The following PPIE variants were observed in gnomAD, a reference collection of about 807,000 sequenced individuals.
PPIE encodes peptidyl-prolyl cis-trans isomerase E.
Under a neutral mutation model 38.4 loss-of-function variants are expected in PPIE, and 20 were observed. The ratio of observed to expected loss-of-function variants is 0.52; its 90% CI spans 0.37 to 0.76. The LOEUF (loss-of-function observed/expected upper bound fraction) is 0.76. Among genes scored for constraint, PPIE ranks in the 30% least tolerant of loss-of-function variants. The pLI, the probability that PPIE is intolerant of heterozygous loss-of-function variation, is 0.00. For missense variants in PPIE, 322 were observed against 385.8 expected (o/e 0.83, Z 1.39); for synonymous variants, 142 against 135.7 (o/e 1.05, Z -0.32).
At chr1:39,760,638 C>A (rs41267041), downstream of PPIE, 29 of 1,539,016 alleles carry the variant, frequency 1.9e-5, no homozygotes, top group Middle Eastern at 4.3e-4. Context: ...CCCAGCCCCA[C>A]CCCAGCTCCA....
downstream of PPIE, among the ~76,000 whole-genome samples, chr1:39,760,815 C>T (rs568173542): frequency 6.6e-4 from 100 of 152,264 alleles, no homozygotes; most frequent in African/African-American, 2.2e-3. Flanking sequence ...GTGGGCAAGG[C>T]GCTAATGAGG....
At chr1:39,763,297 C>T (rs1489144541) in intron 9 of PPIE, 1 of 1,269,450 alleles carries the variant, frequency 7.9e-7, no homozygotes, top group Non-Finnish European at 1.1e-6. Flanking sequence ...GCCGTCTCCC[C>T]CAAGAGGCTT....
At chr1:39,744,859 G>A (rs943099683) in intron 6 of PPIE, among the ~76,000 whole-genome samples, 3 of 152,128 alleles carry the variant, frequency 2.0e-5, no homozygotes, top group African/African-American at 7.2e-5. Context: ...ACAATGCAAG[G>A]CCCAACATCT....
At chr1:39,740,888 C>T (rs899605107) in intron 2 of PPIE, among the ~76,000 whole-genome samples, 1 of 152,178 alleles carries the variant, frequency 6.6e-6, no homozygotes, top group Admixed American at 6.5e-5. Context: ...TAAGGGCCTT[C>T]TAGTCTCTGA....
chr1:39,760,141 G>C (rs919174475), downstream of PPIE: 1 of 510,940 alleles, frequency 2.0e-6, no homozygotes, highest in Non-Finnish European at 3.5e-6. Context: ...CAAAGAACCA[G>C]CCAGGACATG....
rs115722364 is a variant in PPIE, at chr1:39,745,568, A to G, written c.508+70A>G. 1.1e-3 allele frequency: 1,841 copies of G among 1,606,316 alleles called. 22 individuals are homozygous for G. In the African/African-American group the frequency reaches 0.021, roughly 18 times the overall value. On this transcript the variant is annotated intron_variant, in intron 7 of 9. Transcript: ENST00000324379. Reference sequence around the variant, plus strand: ...AGCAGTGAGCCTTTCCCAGGTTCTTACTGCTTCACTTCTTGTGTCCTTGAT... The same window carrying G: ...AGCAGTGAGCCTTTCCCAGGTTCTTGCTGCTTCACTTCTTGTGTCCTTGAT...
chr1:39,755,301 G>A lies in PPIE; in HGVS notation c.*1946G>A, dbSNP rs944110209. 49 of 985,348 alleles carry A rather than the reference G, an allele frequency of 5.0e-5. No homozygotes were observed. Among genetic ancestry groups the A allele is most frequent in the Admixed American group, 6.1e-5 (1 of 16,270 alleles). 61.0% of individuals were successfully genotyped at this position (985,348 alleles called of 1,614,324 possible). On this transcript the variant is annotated 3_prime_UTR_variant, in exon 10 of 10. Transcript: ENST00000324379. ...AGCCAGGAGGCAGGAGAGGCTAGGTGGTCCTCATGACCCTAGGATAGCTCT... is the reference window on the plus strand; with the variant it reads ...AGCCAGGAGGCAGGAGAGGCTAGGTAGTCCTCATGACCCTAGGATAGCTCT...
At position 39,756,045 on chromosome 1, in the gene PPIE, C is replaced by T. The variant is rs976741290; in HGVS notation, c.*2690C>T. 1.6e-5 allele frequency: 16 copies of T among 985,376 alleles called. No individual in the cohort carries two copies. The East Asian group carries it at 1.6e-3, about 98-fold the overall frequency. The allele number at this position is 985,376 out of a possible 1,614,324, so 61.0% of individuals were successfully genotyped here. A position where few individuals can be genotyped will look rare whatever the true frequency, so the allele number is the denominator to read the frequency against. On this transcript the variant is annotated 3_prime_UTR_variant, in exon 10 of 10. Coordinates refer to ENST00000324379, the MANE Select transcript of PPIE (RefSeq NM_006112.4). ...TGGCCAGGACCTGTGTGGAGAGACA[C>T]AGGAGACAAGACCCTGCTCTTCCAG...
downstream of PPIE, chr1:39,760,331 G>A (rs1648762747): frequency 6.4e-7 from 1 of 1,574,506 alleles, no homozygotes; most frequent in East Asian, 2.2e-5. Flanking sequence ...GCCCCGGCCT[G>A]GGGTCTGGCT....
At position 39,753,438 on chromosome 1, in the gene PPIE, G is replaced by C. The variant is rs1395856958; in HGVS notation, c.*83G>C. 1 of 1,566,926 alleles carries C rather than the reference G, an allele frequency of 6.4e-7. No individual in the cohort carries two copies. The highest frequency in any genetic ancestry group is 8.6e-7 in the Non-Finnish European group (1 of 1,157,466). ...TGCCAGCCTCAGAGGAGGCAGCACC[G>C]AGGGTGCCTGTTTGAAGCAAGCAGC... On this transcript the variant is annotated 3_prime_UTR_variant, in exon 10 of 10. Transcript: ENST00000324379.
chr1:39,749,908 C>T lies in PPIE; in HGVS notation c.694+820C>T, dbSNP rs1440576595. On this transcript the variant is annotated intron_variant, in intron 8 of 9. Transcript: ENST00000324379. Reference sequence around the variant, plus strand: ...CAGCATTTTGGGAGGCAGAGGCAGGCGGATCACCTGAGGTCAGGAGTTGGA... The same window carrying T: ...CAGCATTTTGGGAGGCAGAGGCAGGTGGATCACCTGAGGTCAGGAGTTGGA... Among the ~76,000 whole-genome samples, 6 of 152,230 alleles carry T rather than the reference C, an allele frequency of 3.9e-5. No individual in the cohort carries two copies. The East Asian group carries it at 9.6e-4, about 24-fold the overall frequency.
chr1:39,760,534 G>A (rs147897246), downstream of PPIE: 167 of 1,613,906 alleles, frequency 1.0e-4, no homozygotes, highest in African/African-American at 1.1e-3. Flanking sequence ...TGCACAGCAC[G>A]CCTTGGGGAC....
chr1:39,741,856 C>G (rs199629021), intron 3 of PPIE, 39 bp from the exon 4 acceptor site: 1 of 1,613,768 alleles, frequency 6.2e-7, no homozygotes, highest in Non-Finnish European at 8.5e-7. Context: ...AAGCATTTGG[C>G]TGCAAGCCTA....
At chr1:39,743,637 C>A (rs145471736) in intron 5 of PPIE, among the ~76,000 whole-genome samples, 187 bp from the exon 6 acceptor site, 123 of 152,262 alleles carry the variant, frequency 8.1e-4, no homozygotes, top group African/African-American at 2.9e-3. Context: ...TTTTCCTTAG[C>A]CCTACTGAGA....
In PPIE at chr1:39,745,380, G is replaced by A. The variant is rs964328235; in HGVS notation, c.390G>A (p.Glu130=). The change falls in exon 7 of 10, where the codon GAG becomes GAA. Residue 130 remains glutamate (E), a synonymous_variant. Transcript: ENST00000324379. Reference sequence around the variant, plus strand: ...GCAATTTCTTCTGCACCTAGGGAGAGCCCATTGCTAAAAAGGCCCGCTCAA... The same window carrying A: ...GCAATTTCTTCTGCACCTAGGGAGAACCCATTGCTAAAAAGGCCCGCTCAA... ...EPPKAETQEG[E]PIAKKARSNP... 4 of 1,614,068 alleles carry A rather than the reference G, an allele frequency of 2.5e-6. No individual in the cohort carries two copies. The highest frequency in any genetic ancestry group is 3.3e-5 in the Admixed American group (2 of 60,004).
At position 39,754,311 on chromosome 1, in the gene PPIE, AAG is replaced by A. The variant is rs1413506665; in HGVS notation, c.*960_*961del. ...CCAATAGGGTGTGTATATATGTAGA[AAG>A]AGATTTATTTTAAGGAACTGGCTCA... On this transcript the variant is annotated 3_prime_UTR_variant, in exon 10 of 10. Coordinates refer to ENST00000324379, the MANE Select transcript of PPIE (RefSeq NM_006112.4). Among the ~76,000 whole-genome samples, 11 of 152,194 alleles carry A rather than the reference AAG, an allele frequency of 7.2e-5. No individual in the cohort carries two copies. The highest frequency in any genetic ancestry group is 2.7e-4 in the African/African-American group (11 of 41,436).
downstream of PPIE, chr1:39,760,554 C>A: frequency 6.2e-7 from 1 of 1,613,828 alleles, no homozygotes; most frequent in Non-Finnish European, 8.5e-7. Context: ...CTGCGTCTGG[C>A]ATCATCAGGT....
At chr1:39,744,881 C>T (rs1052857034) in intron 6 of PPIE, among the ~76,000 whole-genome samples, 4 of 152,228 alleles carry the variant, frequency 2.6e-5, no homozygotes, top group South Asian at 4.1e-4. Flanking sequence ...CCACTGTCTT[C>T]TGAGCACTTA....
chr1:39,743,127 C>A, intron 4 of PPIE, 89 bp from the exon 5 acceptor site: 1 of 1,159,312 alleles, frequency 8.6e-7, no homozygotes, highest in Non-Finnish European at 1.3e-6. Flanking sequence ...GAGGACAAAT[C>A]ATGAGTGTGT....
Sources: gnomAD v4.1 joint callset for allele counts (sites outside exome capture counted in the v4.1 genomes callset) on GRCh38, gnomAD v4.1.1 for gene constraint, MANE v1.5 for transcripts, NCBI Gene and HGNC (gene_info 2026-07-23, HGNC 2026-07-21) for gene names.